HSP90AA1: variants seen among roughly 807,000 people sequenced by gnomAD.
HSP90AA1 encodes heat shock protein 90 alpha family class A member 1, also known as heat shock protein HSP 90-alpha.
In HSP90AA1, 18 loss-of-function variants were observed where a neutral mutation model predicts 73.3. That is an observed-to-expected ratio of 0.25 (90% confidence interval 0.17 to 0.36). The LOEUF (loss-of-function observed/expected upper bound fraction) is 0.36, where lower values mean the gene tolerates loss of function less well. HSP90AA1 is among the 10% of genes least tolerant of loss of function. The pLI, the probability that HSP90AA1 is intolerant of heterozygous loss-of-function variation, is 1.00. For synonymous variants in HSP90AA1, 477 were observed against 296.9 expected, an observed-to-expected ratio of 1.61 and a Z score of -6.24; for missense variants, 704 against 874.2, an observed-to-expected ratio of 0.81 and a Z score of 2.45.
chr14:102,083,598 C>T lies in HSP90AA1; in HGVS notation c.1434G>A (p.Lys478=). The T allele has an allele frequency of 6.2e-7, 1 of 1,613,670 alleles. No homozygotes were observed. The highest frequency in any genetic ancestry group is 8.5e-7 in the Non-Finnish European group (1 of 1,179,720). ...TCTCCTTCATTCTGGTGCAGTAGTC[C>T]TTGAGAGAAACCATCTCATCACCAG... The part of the protein sequence containing the change: ...SASGDEMVSL[K]DYCTRMKENQ... Residue 478 remains lysine, a synonymous_variant, in exon 8 of 11, where the codon AAG becomes AAA. Transcript: ENST00000216281.
chr14:102,110,816 C>T (rs1315327877), intron 1 of HSP90AA1, among the ~76,000 whole-genome samples: 8 of 152,120 alleles, frequency 5.3e-5, no homozygotes, highest in African/African-American at 1.4e-4. Flanking sequence ...CTCCTGACCT[C>T]GTGATTCACC....
intron 1 of HSP90AA1, among the ~76,000 whole-genome samples, chr14:102,104,742 C>T (rs2049540395): frequency 6.6e-6 from 1 of 151,938 alleles, no homozygotes; most frequent in African/African-American, 2.4e-5. Flanking sequence ...CTCATCTTTC[C>T]CTCTCCTTTC....
At chr14:102,086,518 T>C (rs1246542680) in intron 1 of HSP90AA1, 140 bp from the exon 2 acceptor site, 1 of 942,880 alleles carries the variant, frequency 1.1e-6, no homozygotes, top group Non-Finnish European at 1.7e-6. Flanking sequence ...GAAGGGCGGC[T>C]GACAAAGGAT....
Position 102,086,361 on chromosome 14 carries a change from C to G in HSP90AA1, c.18G>C (p.Gln6His). 1 of 1,614,182 alleles carries G rather than the reference C, an allele frequency of 6.2e-7. No individual in the cohort carries two copies. Among genetic ancestry groups the G allele is most frequent in the Non-Finnish European group, 8.5e-7 (1 of 1,180,034 alleles). Residue 6 changes from glutamine to histidine, a missense_variant, in exon 2 of 11, where the codon CAG becomes CAC. Gln to His is a conservative substitution (Grantham distance 24, BLOSUM62 0). Coordinates refer to ENST00000216281, the MANE Select transcript of HSP90AA1 (RefSeq NM_005348.4). MPEET[Q>H]TQDQPMEEEE... ...CCTCCTCCATCGGTTGGTCTTGGGT[C>G]TGGGTTTCCTCAGGCATCTGGAACG...
At chr14:102,131,121 T>G (rs1253155335) in intron 1 of HSP90AA1, among the ~76,000 whole-genome samples, 2 of 152,236 alleles carry the variant, frequency 1.3e-5, no homozygotes, top group African/African-American at 4.8e-5. Flanking sequence ...TTCTGGACAT[T>G]CCCTGTGAAT....
intron 1 of HSP90AA1, among the ~76,000 whole-genome samples, chr14:102,135,600 C>T (rs2049981050): frequency 6.6e-6 from 1 of 152,238 alleles, no homozygotes; most frequent in South Asian, 2.1e-4. Context: ...GCACAGGAAC[C>T]AATGGAGTGG....
chr14:102,091,931 C>T (rs570096584), upstream of HSP90AA1, among the ~76,000 whole-genome samples: 6 of 152,020 alleles, frequency 3.9e-5, no homozygotes, highest in South Asian at 1.2e-3. Context: ...CTGCCCTTGG[C>T]TCATTCATTT....
chr14:102,087,152 C>CCGCGGCCGCGCGCCTA (rs1306206949), upstream of HSP90AA1: 12 of 984,024 alleles, frequency 1.2e-5, no homozygotes, highest in Non-Finnish European at 1.3e-5. Flanking sequence ...CCAGCCGCCG[C>CCGCGGCCGCGCGCCTA]CGCGGCCGCG....
At chr14:102,082,048 A>C in intron 10 of HSP90AA1, 63 bp downstream of exon 10, 1 of 1,154,778 alleles carries the variant, frequency 8.7e-7, no homozygotes, top group Non-Finnish European at 1.3e-6. Context: ...CTGAAAGTTC[A>C]CCATTTTCTT....
intron 1 of HSP90AA1, among the ~76,000 whole-genome samples, chr14:102,123,879 C>T (rs976364455): frequency 3.3e-5 from 5 of 152,030 alleles, no homozygotes; most frequent in African/African-American, 9.7e-5. Context: ...TGGCTTACTA[C>T]AGCCTCAACC....
At chr14:102,107,953 T>A (rs1443960176) in intron 1 of HSP90AA1, among the ~76,000 whole-genome samples, 1 of 1,230 alleles carries the variant, frequency 8.1e-4, no homozygotes, top group Non-Finnish European at 3.0e-3. Context: ...CTCTCTTAAA[T>A]TTTTTTTTTT....
chr14:102,129,229 AG>A (rs1298116333), intron 1 of HSP90AA1, among the ~76,000 whole-genome samples: 38 of 142,898 alleles, frequency 2.7e-4, no homozygotes, highest in African/African-American at 9.7e-4. Flanking sequence ...CTCTGCCTCC[AG>A]GGTTCAAGCA....
intron 1 of HSP90AA1, among the ~76,000 whole-genome samples, chr14:102,129,400 C>T (rs751131051): frequency 6.6e-6 from 1 of 152,110 alleles, no homozygotes; most frequent in Non-Finnish European, 1.5e-5. Flanking sequence ...GCAATTATCA[C>T]CTCTAAAAGA....
chr14:102,099,553 G>A (rs1311071033), intron 2 of HSP90AA1, among the ~76,000 whole-genome samples: 7 of 151,570 alleles, frequency 4.6e-5, no homozygotes, highest in African/African-American at 1.2e-4. Context: ...GCGGAACTCC[G>A]TCTCAAAAAG....
In HSP90AA1 at chr14:102,115,924, T is replaced by A. The variant is rs746296329; in HGVS notation, c.156-13839A>T. 3.9e-5 allele frequency among the ~76,000 whole-genome samples: 6 copies of A among 151,972 alleles called. 1 individual carries two copies. In the East Asian group the frequency reaches 1.2e-3, roughly 29 times the overall value. On this transcript the variant is annotated intron_variant, in intron 1 of 11. Coordinates refer to the HSP90AA1 transcript ENST00000334701. ...AGCCCAGCTTAACTGTTATTTTAATTTGTATTTTTCTTAAGTTTAAGACCG... is the reference window on the plus strand; with the variant it reads ...AGCCCAGCTTAACTGTTATTTTAATATGTATTTTTCTTAAGTTTAAGACCG...
rs186356318 is a variant in HSP90AA1 at position 102,113,320 on chromosome 14, G to A, written c.156-11235C>T. Among the ~76,000 whole-genome samples, 9 of 151,422 alleles carry A rather than the reference G, an allele frequency of 5.9e-5. No individual in the cohort carries two copies. In the South Asian group the frequency reaches 8.4e-4, roughly 14 times the overall value. ...ATTACAGGTGTGAGCCACCGCGCCC[G>A]GCTTGCTTGCTTGCTTGCTTTCTCT... On this transcript the variant is annotated intron_variant, in intron 1 of 11. Transcript: ENST00000334701.
intron 1 of HSP90AA1, among the ~76,000 whole-genome samples, chr14:102,126,001 T>G (rs1374624188): frequency 1.3e-5 from 2 of 152,196 alleles, no homozygotes; most frequent in Non-Finnish European, 2.9e-5. Flanking sequence ...TATATATTAT[T>G]AGAAATTGTG....
chr14:102,101,027 G>C (rs924182731), intron 2 of HSP90AA1, among the ~76,000 whole-genome samples: 7 of 152,118 alleles, frequency 4.6e-5, no homozygotes, highest in African/African-American at 1.7e-4. Context: ...ATTACCACGT[G>C]CTGGACACAG....
At chr14:102,101,076 G>A (rs1484083990) in intron 2 of HSP90AA1, among the ~76,000 whole-genome samples, 2 of 152,142 alleles carry the variant, frequency 1.3e-5, no homozygotes, top group Non-Finnish European at 2.9e-5. Flanking sequence ...CTTGAGGGAA[G>A]GTCAGTCACC....
Sources: allele counts gnomAD v4.1 joint callset (sites outside exome capture counted in the v4.1 genomes callset), GRCh38; gene constraint gnomAD v4.1.1; transcripts MANE v1.5; gene names NCBI Gene and HGNC (gene_info 2026-07-23, HGNC 2026-07-21).